Variants in AEBP2 observed in about 807,000 individuals in gnomAD.
AEBP2 encodes AE binding protein 2.
Under a neutral mutation model 50.8 loss-of-function variants are expected in AEBP2, and 10 were observed. That is an observed-to-expected ratio of 0.20 (90% confidence interval 0.12 to 0.33). AEBP2 has a LOEUF of 0.33. Ranked by LOEUF, AEBP2 falls within the 10% of genes least tolerant of loss-of-function variation. AEBP2 has a pLI of 1.00. For missense variants in AEBP2, 570 were observed against 688.0 expected (o/e 0.83, Z 1.92); for synonymous variants, 296 against 261.3 (o/e 1.13, Z -1.28).
intron 5 of AEBP2, among the ~76,000 whole-genome samples, chr12:19,510,417 C>T (rs1253672683): frequency 2.6e-5 from 4 of 152,038 alleles, no homozygotes; most frequent in Admixed American, 6.6e-5. Context: ...ATTGTGTATG[C>T]GCATGGGCAG....
At chr12:19,457,647 AT>A in intron 1 of AEBP2, 2 of 1,371,742 alleles carry the variant, frequency 1.5e-6, no homozygotes, top group Non-Finnish European at 1.9e-6. Context: ...TTCCTTTCCC[AT>A]TTTGGCTTTT....
At chr12:19,422,664 T>G (rs140181024) in intron 1 of AEBP2, among the ~76,000 whole-genome samples, 3 of 152,160 alleles carry the variant, frequency 2.0e-5, no homozygotes, top group East Asian at 3.9e-4. Context: ...GCCTGGTTAA[T>G]TTTTGTAGAA....
chr12:19,446,144 T>C (rs1358176042), intron 1 of AEBP2: 1 of 152,224 alleles, frequency 6.6e-6, no homozygotes, highest in Non-Finnish European at 1.5e-5. Flanking sequence ...TTGCGATGAA[T>C]AGTTTGTATT....
At chr12:19,497,545 T>C (rs1453613851) in intron 4 of AEBP2, among the ~76,000 whole-genome samples, 1 of 152,096 alleles carries the variant, frequency 6.6e-6, no homozygotes, top group Admixed American at 6.6e-5. Context: ...CAATCTTAGC[T>C]CACAGCAACC....
At chr12:19,476,804 C>G (rs1039821731) in intron 3 of AEBP2, among the ~76,000 whole-genome samples, 1 of 152,134 alleles carries the variant, frequency 6.6e-6, no homozygotes, top group Non-Finnish European at 1.5e-5. Flanking sequence ...GGCTCTCTTT[C>G]GGTTCCATAT....
intron 1 of AEBP2, among the ~76,000 whole-genome samples, chr12:19,444,364 A>C (rs1489677593): frequency 6.6e-6 from 1 of 152,238 alleles, no homozygotes; most frequent in Non-Finnish European, 1.5e-5. Context: ...TTAGCTTTTA[A>C]ATGGAATTTT....
At position 19,439,741 on chromosome 12, in the gene AEBP2, C is replaced by G; in HGVS notation, c.42C>G (p.Leu14=). 14 of 1,517,776 alleles carry G rather than the reference C, an allele frequency of 9.2e-6. No individual in the cohort carries two copies. The highest frequency in any genetic ancestry group is 1.1e-5 in the Non-Finnish European group (13 of 1,139,644). 94.0% of individuals were successfully genotyped at this position (1,517,776 alleles called of 1,614,324 possible). ...CCGACATGGCCGACCTGGAGGAGCT[C>G]TCCCGCCTGAGCCCTCTGCCCCCCG... is the stretch of plus-strand genomic sequence containing the variant. The part of the protein sequence containing the change: ...AITDMADLEE[L]SRLSPLPPGS... Residue 14 remains leucine (L), a synonymous_variant, in exon 1 of 8, where the codon CTC becomes CTG. Transcript: ENST00000266508.
chr12:19,488,533 C>G (rs958665827), intron 3 of AEBP2, among the ~76,000 whole-genome samples: 1 of 151,946 alleles, frequency 6.6e-6, no homozygotes, highest in African/African-American at 2.4e-5. Context: ...TTGTCGAAAC[C>G]AAGAAATCAA....
In AEBP2 at chr12:19,487,824, T is replaced by G. The variant is rs1260575266; in HGVS notation, c.988-5976T>G. On this transcript the variant is annotated intron_variant, in intron 3 of 7. Transcript: ENST00000266508. The stretch of plus-strand genomic sequence containing the variant: ...TATGTAAGCGATTATTGTAGCAATT[T>G]GAAAATATTTAAAAACAAATATTTC... Among the ~76,000 whole-genome samples, 5 of 152,316 alleles carry G rather than the reference T, an allele frequency of 3.3e-5. No homozygotes were observed. In the East Asian group the frequency reaches 9.6e-4, roughly 29 times the overall value.
intron 5 of AEBP2, among the ~76,000 whole-genome samples, chr12:19,505,753 T>C (rs1410097626): frequency 1.3e-5 from 2 of 152,032 alleles, no homozygotes; most frequent in Non-Finnish European, 2.9e-5. Flanking sequence ...TGAATAGGCA[T>C]GGTCTGATTT....
intron 5 of AEBP2, among the ~76,000 whole-genome samples, chr12:19,504,427 A>T (rs183649619): frequency 6.6e-6 from 1 of 150,988 alleles, no homozygotes; most frequent in East Asian, 2.0e-4. Flanking sequence ...TTTTTAGTAG[A>T]GACGGGATTT....
intron 3 of AEBP2, among the ~76,000 whole-genome samples, chr12:19,485,919 G>A (rs1565726553): frequency 6.8e-6 from 1 of 146,504 alleles, no homozygotes; most frequent in Non-Finnish European, 1.5e-5. Context: ...GAGAGGAAGT[G>A]ATAAGGTGAT....
chr12:19,463,667 A>ATTTTTTTTTT (rs34007914), intron 2 of AEBP2, among the ~76,000 whole-genome samples: 6 of 84,672 alleles, frequency 7.1e-5, no homozygotes, highest in African/African-American at 9.7e-5. Context: ...TCATACTTGA[A>ATTTTTTTTTT]TTTTTTTTTT....
intron 1 of AEBP2, among the ~76,000 whole-genome samples, chr12:19,458,273 G>GGGTCT (rs1311383049): frequency 6.6e-6 from 1 of 152,192 alleles, no homozygotes; most frequent in African/African-American, 2.4e-5. Context: ...GTGGCAGCAT[G>GGGTCT]GGTCTGGGGC....
At position 19,465,600 on chromosome 12, in the gene AEBP2, C is replaced by T. The variant is rs192082532; in HGVS notation, c.879+2883C>T. On this transcript the variant is annotated intron_variant, in intron 2 of 7. Transcript: ENST00000266508. ...AGAGATGAGGTTTCACCATGTTGCC[C>T]AGGCTGGTCTCCAACTCCTCGACTC... Among the ~76,000 whole-genome samples the T allele has an allele frequency of 2.3e-3, 348 of 152,038 alleles. 4 individuals carry two copies. The highest frequency in any genetic ancestry group is 0.01 in the Middle Eastern group (3 of 294).
chr12:19,505,853 G>A (rs1424687045), intron 5 of AEBP2, among the ~76,000 whole-genome samples: 1 of 152,138 alleles, frequency 6.6e-6, no homozygotes, highest in African/African-American at 2.4e-5. Context: ...ATGGCTCACT[G>A]TTGCCTCAAA....
intron 1 of AEBP2, among the ~76,000 whole-genome samples, chr12:19,419,503 C>T (rs1592705241): frequency 1.3e-5 from 2 of 151,950 alleles, no homozygotes. Flanking sequence ...GCAGGAGAAT[C>T]GCTTGAACCC....
At chr12:19,462,163 A>T (rs1405056170) in intron 1 of AEBP2, among the ~76,000 whole-genome samples, 2 of 152,120 alleles carry the variant, frequency 1.3e-5, no homozygotes, top group African/African-American at 4.8e-5. Context: ...TTACTTTCTT[A>T]TGCTTCTTTG....
chr12:19,480,580 G>A (rs1050908629), intron 3 of AEBP2, among the ~76,000 whole-genome samples: 4 of 152,128 alleles, frequency 2.6e-5, no homozygotes, highest in Non-Finnish European at 5.9e-5. Context: ...ATTCTTGGCT[G>A]ATAATTATTG....
Sources: allele counts gnomAD v4.1 joint callset (sites outside exome capture counted in the v4.1 genomes callset), GRCh38; gene constraint gnomAD v4.1.1; transcripts MANE v1.5; gene names NCBI Gene and HGNC (gene_info 2026-07-23, HGNC 2026-07-21).